Variants in CEP250 observed in about 807,000 individuals in gnomAD.
CEP250 encodes the protein centrosome-associated protein CEP250.
Under a neutral mutation model 315.7 loss-of-function variants are expected in CEP250, and 242 were observed. The ratio of observed to expected loss-of-function variants is 0.77; its 90% CI spans 0.69 to 0.85. The LOEUF (loss-of-function observed/expected upper bound fraction) is 0.85, where lower values mean the gene tolerates loss of function less well. Among genes scored for constraint, CEP250 ranks in the 40% least tolerant of loss-of-function variants. The pLI is 0.00. For missense variants in CEP250, 2,515 were observed against 2,886.4 expected (o/e 0.87, Z 2.95); for synonymous variants, 1,088 against 1,175.0 (o/e 0.93, Z 1.51).
At chr20:35,461,804 G>A (rs2062762392) in intron 3 of CEP250, among the ~76,000 whole-genome samples, 1 of 152,154 alleles carries the variant, frequency 6.6e-6, no homozygotes, top group South Asian at 2.1e-4. Context: ...AGCACTTAAA[G>A]CAACAGCCCT....
rs1196218616 is a variant in CEP250 at position 35,514,193 on chromosome 20, C to T, written c.*2567C>T. On this transcript the variant is annotated 3_prime_UTR_variant, in exon 35 of 35. Transcript: ENST00000397527. ...AGGGCATGAGGCCGGAGCCTCCTTT[C>T]CTGACCTTGTCACATGTGGCAGGGT... The T allele has an allele frequency of 6.6e-6, 1 of 152,306 alleles. No individual in the cohort carries two copies. The highest frequency in any genetic ancestry group is 6.5e-5 in the Admixed American group (1 of 15,286). The allele number at this position is 152,306 out of a possible 1,614,324, so 9.4% of individuals were successfully genotyped here. A position where few individuals can be genotyped will look rare whatever the true frequency, so the allele number is the denominator to read the frequency against.
chr20:35,489,338 C>A (rs542626181), intron 20 of CEP250, among the ~76,000 whole-genome samples: 1 of 152,128 alleles, frequency 6.6e-6, no homozygotes. Context: ...GAATAAGCAA[C>A]GACAAACTTA....
chr20:35,472,420 G>A (rs376103245), intron 11 of CEP250, among the ~76,000 whole-genome samples: 8 of 152,138 alleles, frequency 5.3e-5, no homozygotes, highest in Non-Finnish European at 1.0e-4. Flanking sequence ...TATCTCAATC[G>A]TTTCTTCTTT....
intron 5 of CEP250, among the ~76,000 whole-genome samples, 189 bp downstream of exon 5, chr20:35,463,820 C>T (rs187440658): frequency 1.3e-4 from 20 of 152,302 alleles, no homozygotes; most frequent in Admixed American, 1.2e-3. Context: ...AGATTCCAAC[C>T]CTTGGTTTTC....
chr20:35,468,045 AG>A (rs2062934548), intron 9 of CEP250, among the ~76,000 whole-genome samples: 1 of 147,470 alleles, frequency 6.8e-6, no homozygotes, highest in Non-Finnish European at 1.5e-5. Context: ...CCTGGGTTCA[AG>A]TGACTCCCCT....
rs543735783 is a variant in CEP250, at chr20:35,511,380, T to C, written c.7083T>C (p.Ala2361=). Reference sequence around the variant, plus strand: ...CCCACCAGGTGGTCCTGCTGCAAGCTCAGCTGACTTTGGAGCGGAAGCAGA... The same window carrying C: ...CCCACCAGGTGGTCCTGCTGCAAGCCCAGCTGACTTTGGAGCGGAAGCAGA... ...ELQKEVVLLQ[A]QLTLERKQKQ... Residue 2361 remains alanine (A), a synonymous_variant, in exon 35 of 35, where the codon GCT becomes GCC. Transcript: ENST00000397527. 2 of 1,605,392 alleles carry C rather than the reference T, an allele frequency of 1.2e-6. No homozygotes were observed. The highest frequency in any genetic ancestry group is 1.4e-5 in the African/African-American group (1 of 74,050).
chr20:35,466,901 G>C (rs1162916670), intron 7 of CEP250, 65 bp from the exon 8 acceptor site: 3 of 989,134 alleles, frequency 3.0e-6, no homozygotes, highest in Non-Finnish European at 1.6e-6. Flanking sequence ...AGGAATCCAA[G>C]ACTCTTGTGT....
chr20:35,505,308 C>G (rs1348534714), intron 30 of CEP250, among the ~76,000 whole-genome samples: 1 of 152,156 alleles, frequency 6.6e-6, no homozygotes, highest in African/African-American at 2.4e-5. Context: ...GGGATGCCCA[C>G]CCTTTCCTGG....
Position 35,518,251 on chromosome 20 carries a change from C to A in CEP250, c.*6625C>A, listed in dbSNP as rs1161638705. The A allele has an allele frequency of 6.6e-6, 1 of 151,930 alleles. No individual in the cohort carries two copies. Among genetic ancestry groups the A allele is most frequent in the Non-Finnish European group, 1.5e-5 (1 of 67,986 alleles). 9.4% of individuals were successfully genotyped at this position (151,930 alleles called of 1,614,324 possible). A position where few individuals can be genotyped will look rare whatever the true frequency, so the allele number is the denominator to read the frequency against. On this transcript the variant is annotated 3_prime_UTR_variant, in exon 35 of 35. Transcript: ENST00000397527. ...TGGACACGAGGCCGCACTACCTACA[C>A]CTTTGGGGATTCTCGGATCCTGACT... is the stretch of plus-strand genomic sequence containing the variant.
chr20:35,491,448 A>G (rs2063691860), intron 22 of CEP250, 102 bp downstream of exon 22: 1 of 1,262,722 alleles, frequency 7.9e-7, no homozygotes, highest in Non-Finnish European at 1.1e-6. Flanking sequence ...GCCCTGTGCT[A>G]GGTGCTGACA....
Position 35,512,130 on chromosome 20 carries a change from C to T in CEP250, c.*504C>T, listed in dbSNP as rs1481084013. ...GAAGGGTTACAGAGAACACACAAGA[C>T]AAAGCCCCTGTCCACAGACAGCCTA... On this transcript the variant is annotated 3_prime_UTR_variant, in exon 35 of 35. Coordinates refer to ENST00000397527, the MANE Select transcript of CEP250 (RefSeq NM_007186.6). 2 of 761,718 alleles carry T rather than the reference C, an allele frequency of 2.6e-6. No homozygotes were observed. Among genetic ancestry groups the T allele is most frequent in the African/African-American group, 1.9e-5 (1 of 53,146 alleles). 47.2% of individuals were successfully genotyped at this position (761,718 alleles called of 1,614,324 possible).
chr20:35,473,696 C>G (rs2063088177), intron 13 of CEP250, 144 bp downstream of exon 13: 2 of 1,088,114 alleles, frequency 1.8e-6, no homozygotes, highest in Admixed American at 2.9e-5. Context: ...CAGTGTTTCA[C>G]TTGTTTCTCC....
At chr20:35,491,419 G>A (rs2063690999) in intron 22 of CEP250, 73 bp downstream of exon 22, 2 of 1,505,622 alleles carry the variant, frequency 1.3e-6, no homozygotes, top group African/African-American at 1.4e-5. Flanking sequence ...AGGGTTCTTG[G>A]GCACTTCTTA....
intron 15 of CEP250, among the ~76,000 whole-genome samples, chr20:35,475,891 T>TA (rs2063160360): frequency 6.6e-6 from 1 of 152,204 alleles, no homozygotes; most frequent in South Asian, 2.1e-4. Flanking sequence ...TGGTGCCACA[T>TA]TCAAAGCTTT....
chr20:35,509,268 A>C (rs1555856680), intron 33 of CEP250, among the ~76,000 whole-genome samples: 1 of 151,994 alleles, frequency 6.6e-6, no homozygotes, highest in Non-Finnish European at 1.5e-5. Context: ...CTGCCTTCTG[A>C]GGGACTTAGA....
At position 35,490,725 on chromosome 20, in the gene CEP250, A is replaced by T. The variant is rs146858105; in HGVS notation, c.2675A>T (p.Lys892Met). 4 of 1,613,918 alleles carry T rather than the reference A, an allele frequency of 2.5e-6. No individual in the cohort carries two copies. In the African/African-American group the frequency reaches 5.3e-5, roughly 22 times the overall value. ...AAAATGGAGCTGGAAATGAGGCTAA[A>T]GGAGCAGCAGACAGAAATGGAGGCC... The part of the protein sequence containing the change: ...REKMELEMRL[K>M]EQQTEMEAIQ... Residue 892 changes from lysine (K) to methionine (M), a missense_variant, in exon 21 of 35, where the codon AAG becomes ATG. Transcript: ENST00000397527.
Position 35,490,706 on chromosome 20 carries a change from G to A in CEP250, c.2656G>A (p.Glu886Lys), listed in dbSNP as rs751405455. 1 of 1,613,900 alleles carries A rather than the reference G, an allele frequency of 6.2e-7. No homozygotes were observed. Reference sequence around the variant, plus strand: ...GGAGAGCTTAGAAAGGGAAAAAATGGAGCTGGAAATGAGGCTAAAGGAGCA... The same window carrying A: ...GGAGAGCTTAGAAAGGGAAAAAATGAAGCTGGAAATGAGGCTAAAGGAGCA... ...ALESLEREKM[E>K]LEMRLKEQQT... Residue 886 changes from glutamate to lysine, a missense_variant, in exon 21 of 35, where the codon GAG (glutamate) becomes AAG (lysine). Glu to Lys is a moderately conservative substitution (Grantham distance 56). Transcript: ENST00000397527.
In CEP250 at chr20:35,516,586, C is replaced by T. The variant is rs1272958756; in HGVS notation, c.*4960C>T. 6.6e-6 allele frequency: 1 copy of T among 152,246 alleles called. No homozygotes were observed. Among genetic ancestry groups the T allele is most frequent in the African/African-American group, 2.4e-5 (1 of 41,446 alleles). The allele number at this position is 152,246 out of a possible 1,614,324, so 9.4% of individuals were successfully genotyped here. On this transcript the variant is annotated 3_prime_UTR_variant, in exon 35 of 35. Coordinates refer to ENST00000397527, the MANE Select transcript of CEP250 (RefSeq NM_007186.6). ...TGAATGAGATTGGCTAGCTGCTGCT[C>T]CTGCCCCAGCTATTCAGTCATTTGG...
At chr20:35,506,891 C>T (rs1167956858) in intron 30 of CEP250, among the ~76,000 whole-genome samples, 1 of 152,158 alleles carries the variant, frequency 6.6e-6, no homozygotes, top group Non-Finnish European at 1.5e-5. Flanking sequence ...ACAGGCACAG[C>T]AAAAGTAAGT....
Sources: allele counts gnomAD v4.1 joint callset (sites outside exome capture counted in the v4.1 genomes callset), GRCh38; gene constraint gnomAD v4.1.1; transcripts MANE v1.5; gene names NCBI Gene and HGNC (gene_info 2026-07-23, HGNC 2026-07-21).